LMAN1L: variants seen among roughly 807,000 people sequenced by gnomAD.
LMAN1L encodes the protein lectin, mannose binding 1 like, also known as protein ERGIC-53-like.
LMAN1L carries 60 observed loss-of-function variants against 58.3 expected under a neutral mutation model. That is an observed-to-expected ratio of 1.03 (90% CI 0.84 to 1.27). The LOEUF (loss-of-function observed/expected upper bound fraction) is 1.27, where lower values mean the gene tolerates loss of function less well. Among genes scored for constraint, LMAN1L ranks in the 50% most tolerant of loss-of-function variants. The probability of loss-of-function intolerance (pLI) is 0.00; values close to 1 mark genes in which losing one functional copy is unlikely to be tolerated. For missense variants in LMAN1L, 629 were observed against 674.0 expected (o/e 0.93, Z 0.74); for synonymous variants, 280 against 271.6 (o/e 1.03, Z -0.31).
In LMAN1L at chr15:74,816,770, C is replaced by T. The variant is rs1323770119; in HGVS notation, c.497+80C>T. ...CATCCCCCCCATCCGAGCCCCTGCC[C>T]CAGCCTCCTCCAGCAGGGGGCCCAC... On this transcript the variant is annotated intron_variant, in intron 4 of 13. Transcript: ENST00000309664. 5.2e-6 allele frequency: 7 copies of T among 1,339,466 alleles called. No homozygotes were observed. The East Asian group carries it at 1.8e-4, about 34-fold the overall frequency. 83.0% of individuals were successfully genotyped at this position (1,339,466 alleles called of 1,614,324 possible).
chr15:74,819,430 C>A (rs2063907285), intron 6 of LMAN1L, 158 bp downstream of exon 6: 1 of 923,722 alleles, frequency 1.1e-6, no homozygotes, highest in Non-Finnish European at 1.6e-6. Context: ...TTGAGACTTG[C>A]AAGTCTCAAA....
intron 4 of LMAN1L, 81 bp downstream of exon 4, chr15:74,816,771 C>T: frequency 7.5e-7 from 1 of 1,341,952 alleles, no homozygotes; most frequent in Non-Finnish European, 1.0e-6. Context: ...GCCCCTGCCC[C>T]AGCCTCCTCC....
At position 74,824,488 on chromosome 15, in the gene LMAN1L, C is replaced by G; in HGVS notation, c.1451+10C>G. ...GCTACGTGCACTTCAGGTGGGCCAC[C>G]CCGTGAGCAGGATTTCCCACAGCAC... On this transcript the variant is annotated intron_variant, in intron 13 of 13. Coordinates refer to ENST00000309664, the MANE Select transcript of LMAN1L (RefSeq NM_021819.3). 2 of 1,614,008 alleles carry G rather than the reference C, an allele frequency of 1.2e-6. No individual in the cohort carries two copies. The highest frequency in any genetic ancestry group is 1.7e-6 in the Non-Finnish European group (2 of 1,179,906).
chr15:74,819,844 T>C (rs1243899599), intron 6 of LMAN1L, 200 bp from the exon 7 acceptor site: 1 of 627,404 alleles, frequency 1.6e-6, no homozygotes, highest in Admixed American at 2.4e-5. Context: ...TGACTGAGTG[T>C]GAGGTTCAAC....
intron 1 of LMAN1L, among the ~76,000 whole-genome samples, chr15:74,814,194 A>T (rs2063878784): frequency 6.6e-6 from 1 of 150,434 alleles, no homozygotes. Flanking sequence ...AGGACAAAAT[A>T]TCCCTTTTTT....
At chr15:74,819,712 T>A (rs776174905) in intron 6 of LMAN1L, 10 of 503,218 alleles carry the variant, frequency 2.0e-5, no homozygotes, top group Admixed American at 6.6e-5. Context: ...GTGGCCACTG[T>A]GCAGTTGCTA....
rs979250382 is a variant in LMAN1L at position 74,825,733 on chromosome 15, C to T, written c.*128C>T. ...CTGAGCTTTCGGCATGCTCCCACCT[C>T]GTTAAAGGTGATTTCCCTCTCCCCA... On this transcript the variant is annotated 3_prime_UTR_variant, in exon 14 of 14. Transcript: ENST00000309664. The T allele has an allele frequency of 1.0e-5, 9 of 862,190 alleles. No individual in the cohort carries two copies. Among genetic ancestry groups the T allele is most frequent in the African/African-American group, 8.4e-5 (5 of 59,578 alleles). The allele number at this position is 862,190 out of a possible 1,614,324, so 53.4% of individuals were successfully genotyped here.
Position 74,818,709 on chromosome 15 carries a change from T to C in LMAN1L, c.498-9T>C. 6.3e-7 allele frequency: 1 copy of C among 1,597,204 alleles called. No individual in the cohort carries two copies. Among genetic ancestry groups the C allele is most frequent in the Non-Finnish European group, 8.5e-7 (1 of 1,171,382 alleles). On this transcript the variant is annotated splice_polypyrimidine_tract_variant and intron_variant, in intron 4 of 13. Transcript: ENST00000309664. The stretch of plus-strand genomic sequence containing the variant: ...CTCAAAAACAAACAAATGAACAAAC[T>C]GCCCACAGGGATGGAGCTAGCCAAG...
At chr15:74,816,122 G>T in intron 1 of LMAN1L, 35 bp from the exon 2 acceptor site, 1 of 1,535,880 alleles carries the variant, frequency 6.5e-7, no homozygotes. Flanking sequence ...ATGGGGTGTA[G>T]TGGAGCCTGG....
intron 10 of LMAN1L, among the ~76,000 whole-genome samples, chr15:74,822,217 T>A (rs2063920264): frequency 6.6e-6 from 1 of 151,984 alleles, no homozygotes; most frequent in Non-Finnish European, 1.5e-5. Flanking sequence ...TATACAAAAA[T>A]TAGCTGGGCG....
At chr15:74,823,435 C>T in intron 11 of LMAN1L, 124 bp from the exon 12 acceptor site, 1 of 1,039,170 alleles carries the variant, frequency 9.6e-7, no homozygotes, top group Non-Finnish European at 1.4e-6. Flanking sequence ...CAAGAAGGGG[C>T]CCCATGGATG....
Position 74,818,712 on chromosome 15 carries a change from C to T in LMAN1L, c.498-6C>T. 1 of 1,600,474 alleles carries T rather than the reference C, an allele frequency of 6.2e-7. No individual in the cohort carries two copies. The highest frequency in any genetic ancestry group is 8.5e-7 in the Non-Finnish European group (1 of 1,173,406). On this transcript the variant is annotated splice_polypyrimidine_tract_variant and splice_region_variant and intron_variant, in intron 4 of 13. Transcript: ENST00000309664. ...AAAAACAAACAAATGAACAAACTGC[C>T]CACAGGGATGGAGCTAGCCAAGGGC...
In LMAN1L at chr15:74,819,208, G is replaced by A. The variant is rs1489531230; in HGVS notation, c.654G>A (p.Val218=). 6 of 1,614,038 alleles carry A rather than the reference G, an allele frequency of 3.7e-6. No homozygotes were observed. In the Admixed American group the frequency reaches 5.0e-5, roughly 13 times the overall value. Residue 218 remains valine, a synonymous_variant, in exon 6 of 14, where the codon GTG becomes GTA. Coordinates refer to ENST00000309664, the MANE Select transcript of LMAN1L (RefSeq NM_021819.3). ...PSDPGEFCVD[V]GPLLLVPGGF... ...ATCCAGGTGAGTTCTGTGTGGATGT[G>A]GGGCCCCTGCTTTTGGTCCCTGGAG...
rs1389187848 is a variant in LMAN1L at position 74,820,102 on chromosome 15, GA to G, written c.774+4del. 5 of 1,613,712 alleles carry G rather than the reference GA, an allele frequency of 3.1e-6. No individual in the cohort carries two copies. The highest frequency in any genetic ancestry group is 4.2e-6 in the Non-Finnish European group (5 of 1,179,734). ...GCCTGAGTGAGCCCAGCCCAGAGGT[GA>G]TGCCAGCCCTGGCCTACCTGGGAAT... On this transcript the variant is annotated splice_donor_region_variant and intron_variant, in intron 7 of 13. Coordinates refer to ENST00000309664, the MANE Select transcript of LMAN1L (RefSeq NM_021819.3).
In LMAN1L at chr15:74,818,875, G is replaced by A. The variant is rs76196923; in HGVS notation, c.597+58G>A. 5,640 of 1,453,224 alleles carry A rather than the reference G, an allele frequency of 3.9e-3. 180 individuals carry two copies. The African/African-American group carries it at 0.069, about 18-fold the overall frequency. 90.0% of individuals were successfully genotyped at this position (1,453,224 alleles called of 1,614,324 possible). ...TGAGTTACAGAGCTGCTATGTGTGC[G>A]TGCCCACGGCCCCAACACACCAGTG... On this transcript the variant is annotated intron_variant, in intron 5 of 13. Coordinates refer to ENST00000309664, the MANE Select transcript of LMAN1L (RefSeq NM_021819.3).
Position 74,823,617 on chromosome 15 carries a change from G to A in LMAN1L, c.1258G>A (p.Glu420Lys), listed in dbSNP as rs551657514. 5.6e-6 allele frequency: 9 copies of A among 1,613,968 alleles called. No homozygotes were observed. The East Asian group carries it at 2.0e-4, about 36-fold the overall frequency. Residue 420 changes from glutamate to lysine, a missense_variant, in exon 12 of 14, where the codon GAG (glutamate) becomes AAG (lysine). By Grantham distance (56) the Glu-to-Lys change is moderately conservative (BLOSUM62 1). Coordinates refer to ENST00000309664, the MANE Select transcript of LMAN1L (RefSeq NM_021819.3). ...GGTCTCCTACCTGCCTGTGGGCATT[G>A]AGCATCATTTCTTAGAGCTGGACCA... ...AQVSYLPVGIEHHFLELDHIL... is the reference protein window; with the variant it reads ...AQVSYLPVGIKHHFLELDHIL...
intron 1 of LMAN1L, among the ~76,000 whole-genome samples, chr15:74,814,378 G>GTTTT (rs569247875): frequency 2.7e-5 from 3 of 110,536 alleles, no homozygotes; most frequent in Non-Finnish European, 3.7e-5. Context: ...TTTTGTTTTT[G>GTTTT]TTTTTTTTTT....
chr15:74,820,104 T>A lies in LMAN1L; in HGVS notation c.774+5T>A. The A allele has an allele frequency of 6.2e-7, 1 of 1,613,454 alleles. No homozygotes were observed. The highest frequency in any genetic ancestry group is 2.2e-5 in the East Asian group (1 of 44,876). ...CTGAGTGAGCCCAGCCCAGAGGTGA[T>A]GCCAGCCCTGGCCTACCTGGGAATG... On this transcript the variant is annotated splice_donor_5th_base_variant and intron_variant, in intron 7 of 13. Coordinates refer to ENST00000309664, the MANE Select transcript of LMAN1L (RefSeq NM_021819.3).
chr15:74,815,359 T>G (rs1294440967), intron 1 of LMAN1L, among the ~76,000 whole-genome samples: 3 of 152,154 alleles, frequency 2.0e-5, no homozygotes, highest in Non-Finnish European at 4.4e-5. Context: ...GGCTGGCAGG[T>G]TGGAGGGTGG....
Sources: allele counts gnomAD v4.1 joint callset (sites outside exome capture counted in the v4.1 genomes callset), GRCh38; gene constraint gnomAD v4.1.1; transcripts MANE v1.5; gene names NCBI Gene and HGNC (gene_info 2026-07-23, HGNC 2026-07-21).